MYOM2: variants seen among roughly 807,000 people sequenced by gnomAD.
MYOM2 encodes myomesin 2.
MYOM2 carries 254 observed loss-of-function variants against 187.6 expected under a neutral mutation model. That is an observed-to-expected ratio of 1.35 (90% CI 1.22 to 1.50). MYOM2 has a LOEUF of 1.50. Ranked by LOEUF, MYOM2 falls within the 40% of genes most tolerant of loss-of-function variation. The pLI, the probability that MYOM2 is intolerant of heterozygous loss-of-function variation, is 0.00. For synonymous variants in MYOM2, 981 were observed against 753.8 expected, an observed-to-expected ratio of 1.30 and a Z score of -4.94; for missense variants, 2,796 against 1,924.0, an observed-to-expected ratio of 1.45 and a Z score of -8.48.
At chr8:2,068,422 G>T (rs1478505263) in intron 6 of MYOM2, among the ~76,000 whole-genome samples, 6 of 150,262 alleles carry the variant, frequency 4.0e-5, no homozygotes, top group African/African-American at 1.5e-4. Flanking sequence ...CAGGTGGAGA[G>T]CATCCTGGGG....
chr8:2,124,585 A>G (rs1797572723), intron 31 of MYOM2, among the ~76,000 whole-genome samples: 1 of 152,252 alleles, frequency 6.6e-6, no homozygotes, highest in Non-Finnish European at 1.5e-5. Context: ...CGTCGTACAC[A>G]TTAAACCATA....
chr8:2,058,098 A>G lies in MYOM2; in HGVS notation c.560+318A>G, dbSNP rs142930843. ...TGATGGTGTGATCTCAGCTCAGTGC[A>G]ATCTCCACTTCCCTGGTTTAAGTGA... On this transcript the variant is annotated intron_variant, in intron 5 of 36. Transcript: ENST00000262113. Among the ~76,000 whole-genome samples the G allele has an allele frequency of 1.3e-3, 174 of 131,652 alleles. 4 individuals carry two copies. In the East Asian group the frequency reaches 0.041, roughly 31 times the overall value. The allele number at this position is 131,652 out of a possible 152,430, so 86.4% of individuals were successfully genotyped here.
At chr8:2,118,189 A>T (rs964219648) in intron 28 of MYOM2, among the ~76,000 whole-genome samples, 8 of 152,166 alleles carry the variant, frequency 5.3e-5, no homozygotes, top group Non-Finnish European at 1.0e-4. Flanking sequence ...ATGCAATGGA[A>T]GGTTGGATTA....
Position 2,142,400 on chromosome 8 carries a change from A to C in MYOM2, c.4024+3A>C. The C allele has an allele frequency of 1.9e-6, 3 of 1,613,780 alleles. No individual in the cohort carries two copies. Among genetic ancestry groups the C allele is most frequent in the Non-Finnish European group, 2.5e-6 (3 of 1,179,644 alleles). On this transcript the variant is annotated splice_donor_region_variant and intron_variant, in intron 35 of 36. Coordinates refer to ENST00000262113, the MANE Select transcript of MYOM2 (RefSeq NM_003970.4). ...AGCTGCTGCTTTTGCAGAGAAGAGT[A>C]AGTACCTGTTGGATTGTAACCAGGA...
rs745325388 is a variant in MYOM2 at position 2,102,686 on chromosome 8, G to T, written c.2639G>T (p.Gly880Val). ...TTCAAGGTCTCTGACCTGCAGCAAG[G>T]TAAGACCTATGTCTTCAGGGTCCGG... ...RYLKVSDLQQ[G>V]KTYVFRVRAV... The change falls in exon 21 of 37, where the codon GGT becomes GTT. Residue 880 changes from glycine to valine, a missense_variant. Physicochemically the swap from Gly to Val is moderately radical, Grantham distance 109. Transcript: ENST00000262113. The T allele has an allele frequency of 6.2e-7, 1 of 1,613,076 alleles. No individual in the cohort carries two copies. Among genetic ancestry groups the T allele is most frequent in the Non-Finnish European group, 8.5e-7 (1 of 1,179,062 alleles).
Position 2,073,340 on chromosome 8 carries a change from C to T in MYOM2, c.960C>T (p.Asp320=), listed in dbSNP as rs200758656. The change falls in exon 10 of 37, where the codon GAC becomes GAT. Residue 320 remains aspartate (D), a splice_region_variant and synonymous_variant. Transcript: ENST00000262113. ...VQPRAEWYRD[D]VLLKESKWTK... is the part of the protein sequence containing the mutation. ...CCTTCCGTGTTAACGCTCTTTCAGA[C>T]GTGCTGTTGAAAGAGTCCAAGTGGA... The T allele has an allele frequency of 2.5e-5, 40 of 1,602,312 alleles. No homozygotes were observed. The highest frequency in any genetic ancestry group is 3.1e-5 in the Non-Finnish European group (36 of 1,173,064).
intron 34 of MYOM2, among the ~76,000 whole-genome samples, chr8:2,141,720 C>T (rs920682880): frequency 6.6e-6 from 1 of 152,052 alleles, no homozygotes; most frequent in Non-Finnish European, 1.5e-5. Flanking sequence ...TCGGAGGTGT[C>T]ATTTGTGGTT....
At chr8:2,085,493 TCACTGTTGTGATCTCCGCGTGGCCCCCC>T in intron 14 of MYOM2, 103 bp downstream of exon 14, 2 of 1,152,634 alleles carry the variant, frequency 1.7e-6, no homozygotes, top group Non-Finnish European at 2.3e-6. Flanking sequence ...GCGTGGCCCC[TCACTGTTGTGATCTCCGCGTGGCCCCCC>T]ACTGTTGTGA....
chr8:2,088,209 C>G (rs557093763), intron 14 of MYOM2, among the ~76,000 whole-genome samples: 19 of 152,336 alleles, frequency 1.2e-4, no homozygotes, highest in African/African-American at 4.1e-4. Flanking sequence ...CTCCCTCCCA[C>G]TCTTTCCCCC....
rs541987703 is a variant in MYOM2 at position 2,129,925 on chromosome 8, G to A, written c.3800+693G>A. On this transcript the variant is annotated intron_variant, in intron 32 of 36. Transcript: ENST00000262113. Reference sequence around the variant, plus strand: ...GTCACCAACCCCTATAGATATCACCGCAGATAAAAGTGGACTTCAGGTGGG... The same window carrying A: ...GTCACCAACCCCTATAGATATCACCACAGATAAAAGTGGACTTCAGGTGGG... Among the ~76,000 whole-genome samples the A allele has an allele frequency of 3.9e-4, 59 of 152,284 alleles. 1 individual carries two copies. In the South Asian group the frequency reaches 0.011, roughly 27 times the overall value.
intron 19 of MYOM2, among the ~76,000 whole-genome samples, chr8:2,100,674 C>G (rs989546365): frequency 6.6e-6 from 1 of 150,842 alleles, no homozygotes; most frequent in African/African-American, 2.4e-5. Flanking sequence ...CTGGGCCCTC[C>G]TCCCTGACCC....
intron 28 of MYOM2, among the ~76,000 whole-genome samples, chr8:2,120,680 T>TATATATAATATATATATATATATA: frequency 2.1e-5 from 1 of 48,298 alleles, no homozygotes. Flanking sequence ...ATATATTATA[T>TATATATAATATATATATATATATA]TATATATAAA....
chr8:2,094,861 C>G lies in MYOM2; in HGVS notation c.2125+770C>G, dbSNP rs1414324170. Among the ~76,000 whole-genome samples, 4 of 152,104 alleles carry G rather than the reference C, an allele frequency of 2.6e-5. No homozygotes were observed. The East Asian group carries it at 7.7e-4, about 29-fold the overall frequency. On this transcript the variant is annotated intron_variant, in intron 17 of 36. Coordinates refer to ENST00000262113, the MANE Select transcript of MYOM2 (RefSeq NM_003970.4). ...TTGATCAAACGAGACAATTGGGATCCTAAATCTCAGGGACCGTCCCTAGAA... is the reference window on the plus strand; with the variant it reads ...TTGATCAAACGAGACAATTGGGATCGTAAATCTCAGGGACCGTCCCTAGAA...
chr8:2,109,232 C>A, intron 24 of MYOM2, 163 bp from the exon 25 acceptor site: 1 of 847,870 alleles, frequency 1.2e-6, no homozygotes, highest in Non-Finnish European at 1.7e-6. Flanking sequence ...AACAGGCCAG[C>A]TCAAGTTTTA....
At position 2,100,955 on chromosome 8, in the gene MYOM2, C is replaced by T. The variant is rs753431091; in HGVS notation, c.2520C>T (p.Gly840=). Residue 840 remains glycine, a synonymous_variant, in exon 20 of 37, where the codon GGC becomes GGT. Coordinates refer to ENST00000262113, the MANE Select transcript of MYOM2 (RefSeq NM_003970.4). ...TGTGGAAGGCCCCTGTGTACTCCGG[C>T]AGCAGCCCTGTTTCTGGATATTTCG... ...VMLWKAPVYS[G]SSPVSGYFVD... 2.5e-6 allele frequency: 4 copies of T among 1,614,108 alleles called. No homozygotes were observed. The highest frequency in any genetic ancestry group is 1.7e-5 in the Admixed American group (1 of 60,010).
intron 36 of MYOM2, among the ~76,000 whole-genome samples, chr8:2,143,807 G>A (rs1196048532): frequency 2.0e-5 from 3 of 152,100 alleles, no homozygotes; most frequent in Non-Finnish European, 2.9e-5. Context: ...AGCCACACTC[G>A]CCCTGACCTA....
In MYOM2 at chr8:2,144,798, C is replaced by G. The variant is rs765031150; in HGVS notation, c.4215C>G (p.Ile1405Met). The change falls in exon 37 of 37, where the codon ATC becomes ATG. Residue 1405 changes from isoleucine to methionine, a missense_variant. Coordinates refer to ENST00000262113, the MANE Select transcript of MYOM2 (RefSeq NM_003970.4). The stretch of plus-strand genomic sequence containing the variant: ...AGGCCAAGTACGTCAGCATGACCAT[C>G]AAAGGCGTGACCTCCGAGGACTCGG... ...VEQAKYVSMT[I>M]KGVTSEDSGK... 5 of 1,614,196 alleles carry G rather than the reference C, an allele frequency of 3.1e-6. No individual in the cohort carries two copies. The East Asian group carries it at 1.1e-4, about 36-fold the overall frequency.
intron 10 of MYOM2, among the ~76,000 whole-genome samples, chr8:2,074,519 A>C (rs1819347794): frequency 6.6e-6 from 1 of 151,752 alleles, no homozygotes; most frequent in African/African-American, 2.4e-5. Context: ...CAGTGGCGCG[A>C]CCTCGGCTCA....
At chr8:2,092,860 G>A (rs553211601) in intron 16 of MYOM2, among the ~76,000 whole-genome samples, 6 of 151,910 alleles carry the variant, frequency 3.9e-5, no homozygotes, top group African/African-American at 7.3e-5. Flanking sequence ...TATTTTTTTC[G>A]TATTGATTTT....
Sources: gnomAD v4.1 joint callset for allele counts (sites outside exome capture counted in the v4.1 genomes callset) on GRCh38, gnomAD v4.1.1 for gene constraint, MANE v1.5 for transcripts, NCBI Gene and HGNC (gene_info 2026-07-23, HGNC 2026-07-21) for gene names.